The following ATP2C1 variants were observed in gnomAD, a reference collection of about 807,000 sequenced individuals.
ATP2C1 encodes ATPase secretory pathway Ca2+ transporting 1.
In ATP2C1, 31 loss-of-function variants were observed where a neutral mutation model predicts 120.5. That is an observed-to-expected ratio of 0.26 (90% CI 0.19 to 0.35). The LOEUF is 0.35. ATP2C1 is among the 10% of genes least tolerant of loss of function. ATP2C1 has a pLI of 1.00. For missense variants in ATP2C1, 731 were observed against 1,107.5 expected, an observed-to-expected ratio of 0.66 and a Z score of 4.83; for synonymous variants, 351 against 358.7, an observed-to-expected ratio of 0.98 and a Z score of 0.24.
chr3:131,010,457 G>A (rs1037956955), intron 26 of ATP2C1, among the ~76,000 whole-genome samples: 2 of 152,152 alleles, frequency 1.3e-5, no homozygotes, highest in African/African-American at 4.8e-5. Context: ...GCCTCCCAAA[G>A]TGCTGGGATT....
chr3:130,993,843 AAAAT>A (rs1486581158), intron 21 of ATP2C1, 85 bp from the exon 22 acceptor site: 1 of 1,351,080 alleles, frequency 7.4e-7, no homozygotes, highest in East Asian at 2.4e-5. Flanking sequence ...TTATGTGAAA[AAAAT>A]AGGGAGGATT....
intron 10 of ATP2C1, among the ~76,000 whole-genome samples, chr3:130,955,431 C>G (rs556073393): frequency 1.4e-4 from 22 of 152,228 alleles, no homozygotes; most frequent in African/African-American, 4.1e-4. Context: ...CAAATTTTTT[C>G]AACTTCACAT....
chr3:130,888,106 T>C (rs769895294), intron 1 of ATP2C1, among the ~76,000 whole-genome samples: 2 of 152,168 alleles, frequency 1.3e-5, no homozygotes, highest in Non-Finnish European at 2.9e-5. Flanking sequence ...TTTTGGCCCA[T>C]GGTGTGTCTA....
At chr3:130,911,551 A>G (rs1034805934) in intron 2 of ATP2C1, among the ~76,000 whole-genome samples, 6 of 151,382 alleles carry the variant, frequency 4.0e-5, no homozygotes, top group Non-Finnish European at 8.8e-5. Context: ...TAGGGTGTCA[A>G]TTTTGGATCT....
chr3:130,897,973 C>G (rs1419956110), intron 2 of ATP2C1, among the ~76,000 whole-genome samples: 1 of 152,144 alleles, frequency 6.6e-6, no homozygotes, highest in Non-Finnish European at 1.5e-5. Context: ...GTAAACAGCT[C>G]TTACCTGATT....
At chr3:130,954,925 C>A in intron 9 of ATP2C1, 87 bp from the exon 10 acceptor site, 1 of 920,282 alleles carries the variant, frequency 1.1e-6, no homozygotes, top group Non-Finnish European at 1.8e-6. Context: ...GTAGGTAAGA[C>A]TTTGAAAGTT....
rs750686054 is a variant in ATP2C1, at chr3:130,964,104, G to T, written c.1024+9G>T. ...TATTGTTGAAACTCTGGGTAAGTCT[G>T]TGTTAAGAGCATTCTTATGCAATGA... On this transcript the variant is annotated intron_variant, in intron 13 of 27. Transcript: ENST00000510168. The T allele has an allele frequency of 1.4e-5, 22 of 1,611,602 alleles. No homozygotes were observed. Among genetic ancestry groups the T allele is most frequent in the Non-Finnish European group, 1.9e-5 (22 of 1,178,218 alleles).
chr3:130,895,045 G>A lies in ATP2C1; in HGVS notation c.6+270G>A, dbSNP rs577001858. On this transcript the variant is annotated intron_variant, in intron 2 of 27. Coordinates refer to ENST00000510168, the MANE Select transcript of ATP2C1 (RefSeq NM_001378687.1). ...CTTCAGCTTAGGGAATGAGAGGGAA[G>A]TTTTCATTTCAGATAGCGTCTGTGC... Among the ~76,000 whole-genome samples the A allele has an allele frequency of 3.3e-5, 5 of 152,210 alleles. No individual in the cohort carries two copies. In the South Asian group the frequency reaches 1.0e-3, roughly 32 times the overall value.
chr3:130,997,521 A>T (rs1371839720), intron 24 of ATP2C1, 85 bp from the exon 25 acceptor site: 1 of 1,287,570 alleles, frequency 7.8e-7, no homozygotes, highest in Non-Finnish European at 1.1e-6. Context: ...TAGTTTGCCG[A>T]ATAATTGAGG....
chr3:130,925,850 CA>C (rs1283082370), intron 2 of ATP2C1, among the ~76,000 whole-genome samples: 2 of 151,962 alleles, frequency 1.3e-5, no homozygotes, highest in African/African-American at 2.4e-5. Flanking sequence ...GTTATAGTCC[CA>C]GGGGGATTGT....
At chr3:130,879,933 T>C (rs1224517669) in intron 1 of ATP2C1, among the ~76,000 whole-genome samples, 1 of 152,172 alleles carries the variant, frequency 6.6e-6, no homozygotes, top group East Asian at 1.9e-4. Flanking sequence ...GGGTGCATGA[T>C]GACCTCATCG....
intron 2 of ATP2C1, among the ~76,000 whole-genome samples, chr3:130,912,722 A>G (rs2058490984): frequency 6.8e-6 from 1 of 146,602 alleles, no homozygotes; most frequent in Admixed American, 6.8e-5. Context: ...AGAACTAGAA[A>G]TACCATTTGA....
chr3:130,941,614 A>G lies in ATP2C1; in HGVS notation c.446A>G (p.His149Arg), dbSNP rs1196099687. The G allele has an allele frequency of 6.2e-7, 1 of 1,613,958 alleles. No individual in the cohort carries two copies. The change falls in exon 8 of 28, where the codon CAT (histidine) becomes CGT (arginine). Residue 149 changes from histidine (H) to arginine (R), a missense_variant. By Grantham distance (29) the His-to-Arg change is conservative. This residue lies in a region of ATP2C1 where 571 missense variants were observed against 845.9 expected (regional missense o/e 0.67). Transcript: ENST00000510168. ...CHCVREGKLE[H>R]TLARDLVPGD... Reference sequence around the variant, plus strand: ...AGTGTGCGTGAAGGAAAATTGGAGCATACACTTGCCCGAGACTTGGTTCCA... The same window carrying G: ...AGTGTGCGTGAAGGAAAATTGGAGCGTACACTTGCCCGAGACTTGGTTCCA...
At chr3:131,016,591 C>G in exon 27 of ATP2C1, 1 of 506,740 alleles carries the variant, frequency 2.0e-6, no homozygotes, top group Non-Finnish European at 3.5e-6. Context: ...ATCTTTTCCA[C>G]TGGTCTACTA....
intron 26 of ATP2C1, chr3:131,013,907 A>G (rs1358795618): frequency 5.2e-6 from 3 of 575,462 alleles, no homozygotes; most frequent in East Asian, 3.0e-5. Context: ...TTAAAAACAA[A>G]ATACAAAATA....
intron 25 of ATP2C1, 127 bp downstream of exon 25, chr3:130,997,880 A>G (rs1370326585): frequency 2.2e-6 from 2 of 927,448 alleles, no homozygotes; most frequent in Non-Finnish European, 3.4e-6. Context: ...AAAATATAAG[A>G]ACATTTTAAA....
intron 6 of ATP2C1, among the ~76,000 whole-genome samples, chr3:130,938,854 C>T (rs768098588): frequency 3.4e-4 from 52 of 152,186 alleles, no homozygotes; most frequent in African/African-American, 6.5e-4. Flanking sequence ...ACCTTAGTAC[C>T]TTGTTCTCTT....
rs1248545989 is a variant in ATP2C1 at position 130,934,679 on chromosome 3, C to T, written c.292C>T (p.His98Tyr). 8 of 1,612,682 alleles carry T rather than the reference C, an allele frequency of 5.0e-6. No individual in the cohort carries two copies. The highest frequency in any genetic ancestry group is 6.8e-6 in the Non-Finnish European group (8 of 1,178,946). The change falls in exon 5 of 28, where the codon CAT becomes TAT. Residue 98 changes from histidine (H) to tyrosine (Y), a missense_variant. Around this residue, in one of 3 missense-constraint regions of ATP2C1, gnomAD observed 571 missense variants for 845.9 expected, o/e 0.67. Transcript: ENST00000510168. ...TTCTGCAGTCATCAGTGTTTTAATGCATCAGTTTGATGATGCCGTCAGTAT... is the reference window on the plus strand; with the variant it reads ...TTCTGCAGTCATCAGTGTTTTAATGTATCAGTTTGATGATGCCGTCAGTAT... Reference protein sequence around the residue: ...LASAVISVLMHQFDDAVSITV... With the variant: ...LASAVISVLMYQFDDAVSITV...
chr3:131,014,836 T>A (rs148278807), intron 26 of ATP2C1, among the ~76,000 whole-genome samples: 136 of 152,268 alleles, frequency 8.9e-4, no homozygotes, highest in Middle Eastern at 3.4e-3. Context: ...AATCCACAAG[T>A]TTATTATGGA....
Sources: allele counts gnomAD v4.1 joint callset (sites outside exome capture counted in the v4.1 genomes callset), GRCh38; gene constraint gnomAD v4.1.1; regional missense constraint gnomAD v4.1.1; transcripts MANE v1.5; gene names NCBI Gene and HGNC (gene_info 2026-07-23, HGNC 2026-07-21).